Variants in LNPEP observed in about 807,000 individuals in gnomAD.
LNPEP encodes leucyl and cystinyl aminopeptidase.
In LNPEP, 64 loss-of-function variants were observed where a neutral mutation model predicts 120.6. The ratio of observed to expected loss-of-function variants is 0.53; its 90% CI spans 0.43 to 0.65. The LOEUF is 0.65. LNPEP is among the 30% of genes least tolerant of loss of function. The probability of loss-of-function intolerance (pLI) is 0.00; values close to 1 mark genes in which losing one functional copy is unlikely to be tolerated. For synonymous variants in LNPEP, 435 were observed against 425.4 expected (o/e 1.02, Z -0.28); for missense variants, 1,057 against 1,200.0 (o/e 0.88, Z 1.76).
rs1214523629 is a variant in LNPEP, at chr5:96,993,917, A to G, written c.1353A>G (p.Ser451=). The G allele has an allele frequency of 1.9e-6, 3 of 1,613,840 alleles. No homozygotes were observed. The highest frequency in any genetic ancestry group is 2.7e-5 in the African/African-American group (2 of 74,990). ...TTCTGTATGACAGTAACACTTCTTCAATGGCGGATAGAAAGCTGGTGACTA... is the reference window on the plus strand; with the variant it reads ...TTCTGTATGACAGTAACACTTCTTCGATGGCGGATAGAAAGCTGGTGACTA... ...ETLLYDSNTS[S]MADRKLVTKI... Residue 451 remains serine (S), a synonymous_variant, in exon 6 of 18, where the codon TCA becomes TCG. Coordinates refer to ENST00000231368, the MANE Select transcript of LNPEP (RefSeq NM_005575.3).
Position 97,030,813 on chromosome 5 carries a change from G to A in LNPEP, c.*2280G>A, listed in dbSNP as rs1791455467. 1 of 151,892 alleles carries A rather than the reference G, an allele frequency of 6.6e-6. No homozygotes were observed. The highest frequency in any genetic ancestry group is 2.4e-5 in the African/African-American group (1 of 41,354). The allele number at this position is 151,892 out of a possible 1,614,324, so 9.4% of individuals were successfully genotyped here. A position where few individuals can be genotyped will look rare whatever the true frequency, so the allele number is the denominator to read the frequency against. ...CCATAATAGTTGTAGTTTTTTTGATGTTGTTGCCCTTACCTTAATTATTTG... is the reference window on the plus strand; with the variant it reads ...CCATAATAGTTGTAGTTTTTTTGATATTGTTGCCCTTACCTTAATTATTTG... On this transcript the variant is annotated 3_prime_UTR_variant, in exon 18 of 18. Coordinates refer to ENST00000231368, the MANE Select transcript of LNPEP (RefSeq NM_005575.3).
At chr5:97,012,351 A>T (rs911341187) in intron 11 of LNPEP, among the ~76,000 whole-genome samples, 1 of 152,058 alleles carries the variant, frequency 6.6e-6, no homozygotes, top group Non-Finnish European at 1.5e-5. Context: ...TCTTATCTCT[A>T]CTCTTCTTTT....
chr5:96,951,403 C>T (rs1330849826), intron 1 of LNPEP, among the ~76,000 whole-genome samples: 3 of 152,118 alleles, frequency 2.0e-5, no homozygotes, highest in Non-Finnish European at 2.9e-5. Flanking sequence ...GGACCACAGG[C>T]GCCCACACCA....
intron 11 of LNPEP, among the ~76,000 whole-genome samples, chr5:97,009,313 CATAAT>C (rs74499164): frequency 0.014 from 2,173 of 152,194 alleles, 53 homozygotes; most frequent in South Asian, 0.088. Context: ...CTTCTCCACT[CATAAT>C]ATACTGTAAG....
chr5:96,985,008 T>C (rs1367309650), intron 2 of LNPEP, 72 bp from the exon 3 acceptor site: 1 of 1,490,642 alleles, frequency 6.7e-7, no homozygotes, highest in Non-Finnish European at 9.2e-7. Flanking sequence ...ATATTTATCT[T>C]AGTATACTTG....
intron 9 of LNPEP, 49 bp downstream of exon 9, chr5:97,003,595 G>A (rs374873140): frequency 6.7e-4 from 910 of 1,365,604 alleles, no homozygotes; most frequent in Admixed American, 8.5e-4. Context: ...AAAGAGAGGA[G>A]TTCGTCTATT....
At position 96,985,100 on chromosome 5, in the gene LNPEP, T is replaced by G. The variant is rs751683257; in HGVS notation, c.881T>G (p.Phe294Cys). Residue 294 changes from phenylalanine (F) to cysteine (C), a missense_variant, in exon 3 of 18, where the codon TTT becomes TGT. Coordinates refer to ENST00000231368, the MANE Select transcript of LNPEP (RefSeq NM_005575.3). ...NEKKYFAATQ[F>C]EPLAARSAFP... ...TTTAGGTACTTTGCAGCAACTCAGT[T>G]TGAACCCCTGGCAGCAAGATCTGCT... 1 of 1,613,878 alleles carries G rather than the reference T, an allele frequency of 6.2e-7. No individual in the cohort carries two copies. The highest frequency in any genetic ancestry group is 1.3e-5 in the African/African-American group (1 of 74,916).
intron 1 of LNPEP, among the ~76,000 whole-genome samples, chr5:96,965,523 A>G (rs2112586962): frequency 6.6e-6 from 1 of 152,266 alleles, no homozygotes; most frequent in African/African-American, 2.4e-5. Context: ...CATAAAAACA[A>G]TTTTTATATT....
chr5:97,027,331 C>A (rs1791366386), intron 16 of LNPEP, among the ~76,000 whole-genome samples: 1 of 149,672 alleles, frequency 6.7e-6, no homozygotes. Context: ...CCAGCCTAGG[C>A]AACAGGGCGA....
intron 5 of LNPEP, among the ~76,000 whole-genome samples, chr5:96,993,354 A>G (rs551420387): frequency 9.8e-5 from 15 of 152,310 alleles, no homozygotes; most frequent in African/African-American, 3.6e-4. Context: ...GGCTGCTAAA[A>G]AGGTGCTGTA....
chr5:96,983,947 G>A (rs984810163), intron 2 of LNPEP, among the ~76,000 whole-genome samples: 1 of 152,048 alleles, frequency 6.6e-6, no homozygotes, highest in African/African-American at 2.4e-5. Flanking sequence ...CAGATAATTC[G>A]CAGCAATTAA....
intron 8 of LNPEP, among the ~76,000 whole-genome samples, chr5:97,001,355 G>GA (rs1790646047): frequency 6.6e-6 from 1 of 152,182 alleles, no homozygotes; most frequent in Non-Finnish European, 1.5e-5. Context: ...TGAACAACTG[G>GA]AAAAATGGAG....
At chr5:96,994,969 G>A (rs1027183406) in intron 6 of LNPEP, among the ~76,000 whole-genome samples, 6 of 152,254 alleles carry the variant, frequency 3.9e-5, no homozygotes, top group Middle Eastern at 3.4e-3. Context: ...TTAGCTGGGC[G>A]TGGTGGTGCA....
Position 96,979,436 on chromosome 5 carries a change from C to G in LNPEP, c.318C>G (p.Pro106=), listed in dbSNP as rs1190812154. Residue 106 remains proline (P), a synonymous_variant, in exon 2 of 18, where the codon CCC becomes CCG. Transcript: ENST00000231368. ...GCCCAGATGGGGCTTGTTCAGTACC[C>G]TCTGCAAGGACCATGGTGGTCTGTG... is the stretch of plus-strand genomic sequence containing the variant. ...RQSPDGACSV[P]SARTMVVCAF... is the part of the protein sequence containing the mutation. The G allele has an allele frequency of 6.2e-7, 1 of 1,614,044 alleles. No individual in the cohort carries two copies. Among genetic ancestry groups the G allele is most frequent in the East Asian group, 2.2e-5 (1 of 44,888 alleles).
intron 6 of LNPEP, among the ~76,000 whole-genome samples, chr5:96,994,456 CAG>C (rs1790460876): frequency 7.8e-6 from 1 of 128,748 alleles, no homozygotes; most frequent in Non-Finnish European, 1.6e-5. Flanking sequence ...CTGTAGCTGT[CAG>C]GGCTGGATTT....
At position 97,022,370 on chromosome 5, in the gene LNPEP, T is replaced by C. The variant is rs868228524; in HGVS notation, c.2447T>C (p.Met816Thr). 5 of 1,613,892 alleles carry C rather than the reference T, an allele frequency of 3.1e-6. No homozygotes were observed. Among genetic ancestry groups the C allele is most frequent in the East Asian group, 2.2e-5 (1 of 44,882 alleles). ...QTWTDEGTPS[M>T]RELRSALLEF... ...TGGACTGATGAGGGCACTCCATCTA[T>C]GCGAGAGCTTCGGTCAGCCCTGCTA... The change falls in exon 14 of 18, where the codon ATG (methionine) becomes ACG (threonine). Residue 816 changes from methionine to threonine, a missense_variant. Coordinates refer to ENST00000231368, the MANE Select transcript of LNPEP (RefSeq NM_005575.3).
rs1176564667 is a variant in LNPEP, at chr5:96,940,087, G to C, written c.19+3913G>C. On this transcript the variant is annotated intron_variant, in intron 1 of 17. Coordinates refer to ENST00000231368, the MANE Select transcript of LNPEP (RefSeq NM_005575.3). ...TTATTTGGGGGAAATAAGACTGTTAGGAATTAAGTGTTAGCATCACTAACA... is the reference window on the plus strand; with the variant it reads ...TTATTTGGGGGAAATAAGACTGTTACGAATTAAGTGTTAGCATCACTAACA... 2.0e-5 allele frequency among the ~76,000 whole-genome samples: 3 copies of C among 152,056 alleles called. No individual in the cohort carries two copies. In the East Asian group the frequency reaches 5.8e-4, roughly 29 times the overall value.
At chr5:96,982,479 G>A (rs1790149765) in intron 2 of LNPEP, among the ~76,000 whole-genome samples, 1 of 152,232 alleles carries the variant, frequency 6.6e-6, no homozygotes, top group African/African-American at 2.4e-5. Context: ...AGATAGTTAT[G>A]ATTGGATCTC....
At chr5:96,986,409 A>T in intron 3 of LNPEP, 130 bp from the exon 4 acceptor site, 1 of 860,696 alleles carries the variant, frequency 1.2e-6, no homozygotes, top group Non-Finnish European at 1.8e-6. Context: ...GCAGAAATTC[A>T]TACTGAGAGG....
Sources: gnomAD v4.1 joint callset for allele counts (sites outside exome capture counted in the v4.1 genomes callset) on GRCh38, gnomAD v4.1.1 for gene constraint, MANE v1.5 for transcripts, NCBI Gene and HGNC (gene_info 2026-07-23, HGNC 2026-07-21) for gene names.